The following DGKG variants were observed in gnomAD, a reference collection of about 807,000 sequenced individuals.
DGKG encodes the protein DAG kinase gamma.
A neutral mutation model predicts 105.3 loss-of-function variants in DGKG; 78 were observed. The ratio of observed to expected loss-of-function variants is 0.74; its 90% confidence interval spans 0.62 to 0.89. DGKG has a LOEUF of 0.89. Ranked by LOEUF, DGKG falls within the 40% of genes least tolerant of loss-of-function variation. The pLI is 0.00. For missense variants in DGKG, 958 were observed against 1,020.1 expected (o/e 0.94, Z 0.83); for synonymous variants, 346 against 367.1 (o/e 0.94, Z 0.66).
chr3:186,189,781 C>T (rs995766708), intron 21 of DGKG, among the ~76,000 whole-genome samples: 4 of 152,110 alleles, frequency 2.6e-5, no homozygotes, highest in Non-Finnish European at 4.4e-5. Flanking sequence ...CTGGTAACTG[C>T]GAACTCATTT....
chr3:186,208,015 C>T (rs1252777969), intron 21 of DGKG, among the ~76,000 whole-genome samples: 2 of 152,112 alleles, frequency 1.3e-5, no homozygotes, highest in African/African-American at 4.8e-5. Context: ...GCCTGTATAT[C>T]GCCTGAATGG....
intron 2 of DGKG, among the ~76,000 whole-genome samples, chr3:186,318,236 G>A (rs914150538): frequency 5.3e-5 from 8 of 151,996 alleles, no homozygotes; most frequent in Admixed American, 1.3e-4. Context: ...CTATCCCCAC[G>A]CCTCCTATGT....
chr3:186,188,428 C>G, intron 21 of DGKG, 49 bp from the exon 22 acceptor site: 1 of 1,592,676 alleles, frequency 6.3e-7, no homozygotes, highest in Non-Finnish European at 8.6e-7. Flanking sequence ...CAGTGTGTCA[C>G]AACCCAAGGT....
chr3:186,265,732 G>A lies in DGKG; in HGVS notation c.1210-426C>T, dbSNP rs545154576. ...GGCTGGAGTGCAGTGGTGTGATCTC[G>A]GCTCACTGCAAGCTCCGCCTCCTGG... On this transcript the variant is annotated intron_variant, in intron 13 of 24. Transcript: ENST00000265022. Among the ~76,000 whole-genome samples the A allele has an allele frequency of 3.0e-3, 409 of 137,460 alleles. 1 individual carries two copies. Among genetic ancestry groups the A allele is most frequent in the African/African-American group, 9.5e-3 (352 of 36,974 alleles). 90.2% of individuals were successfully genotyped at this position (137,460 alleles called of 152,430 possible). A position where few individuals can be genotyped will look rare whatever the true frequency, so the allele number is the denominator to read the frequency against.
chr3:186,151,789 G>A (rs904794204), intron 24 of DGKG, among the ~76,000 whole-genome samples: 1 of 152,220 alleles, frequency 6.6e-6, no homozygotes. Context: ...ACTACTGTAA[G>A]CCAGGTTTAC....
intron 6 of DGKG, among the ~76,000 whole-genome samples, chr3:186,287,353 C>G (rs1047116109): frequency 8.5e-5 from 13 of 152,158 alleles, no homozygotes; most frequent in Admixed American, 3.9e-4. Flanking sequence ...GAATTTGCTT[C>G]AAGATACTCT....
intron 22 of DGKG, among the ~76,000 whole-genome samples, chr3:186,182,322 A>G (rs1199780964): frequency 6.6e-6 from 1 of 152,214 alleles, no homozygotes; most frequent in Non-Finnish European, 1.5e-5. Flanking sequence ...ACCTAACAAT[A>G]ATTCTGATTA....
chr3:186,216,567 T>C (rs1260640318), intron 20 of DGKG, among the ~76,000 whole-genome samples: 3 of 152,170 alleles, frequency 2.0e-5, no homozygotes, highest in African/African-American at 7.2e-5. Context: ...AATAAGGACA[T>C]TCACAGATGG....
At chr3:186,276,002 T>C (rs548743621) in intron 9 of DGKG, among the ~76,000 whole-genome samples, 133 of 151,958 alleles carry the variant, frequency 8.8e-4, no homozygotes, top group Non-Finnish European at 1.3e-3. Flanking sequence ...CTATTATCTA[T>C]CATCTATCTA....
intron 5 of DGKG, among the ~76,000 whole-genome samples, chr3:186,293,887 C>T (rs1332615039): frequency 6.6e-6 from 1 of 151,982 alleles, no homozygotes; most frequent in Non-Finnish European, 1.5e-5. Flanking sequence ...TGAACAGGGA[C>T]ATCTAATTAA....
At chr3:186,330,280 G>T (rs547085337) in intron 1 of DGKG, among the ~76,000 whole-genome samples, 3 of 152,294 alleles carry the variant, frequency 2.0e-5, no homozygotes, top group African/African-American at 7.2e-5. Context: ...TTATAATCAA[G>T]TTACTTTATT....
At chr3:186,296,226 T>C (rs983971221) in intron 5 of DGKG, among the ~76,000 whole-genome samples, 7 of 152,206 alleles carry the variant, frequency 4.6e-5, no homozygotes, top group African/African-American at 1.7e-4. Flanking sequence ...AGCGTTAACA[T>C]ATCTAACTCA....
At chr3:186,352,297 C>T (rs1726671790) in intron 1 of DGKG, among the ~76,000 whole-genome samples, 2 of 152,170 alleles carry the variant, frequency 1.3e-5, no homozygotes, top group African/African-American at 4.8e-5. Flanking sequence ...CAAGCCCAGA[C>T]TCTCAATGCT....
intron 24 of DGKG, among the ~76,000 whole-genome samples, chr3:186,154,435 G>A (rs1715925731): frequency 6.6e-6 from 1 of 152,090 alleles, no homozygotes; most frequent in African/African-American, 2.4e-5. Flanking sequence ...CCTGAGGTCA[G>A]GAGTTTGAGA....
chr3:186,203,084 G>C lies in DGKG; in HGVS notation c.1917+8711C>G, dbSNP rs1718553585. 1.3e-5 allele frequency among the ~76,000 whole-genome samples: 2 copies of C among 152,136 alleles called. No individual in the cohort carries two copies. The highest frequency in any genetic ancestry group is 2.9e-5 in the Non-Finnish European group (2 of 68,002). On this transcript the variant is annotated intron_variant, in intron 21 of 24. Transcript: ENST00000265022. This position sits in a 1 kb window ranked among gnomAD's most constrained non-coding sequence, Gnocchi z 4.9. The stretch of plus-strand genomic sequence containing the variant: ...GAGGGTCATTTAAGAAAAAGAAAAA[G>C]TTTTATGTGCCAGAAACTGCAAGCA...
At position 186,149,273 on chromosome 3, in the gene DGKG, C is replaced by G; in HGVS notation, c.*817G>C. On this transcript the variant is annotated 3_prime_UTR_variant, in exon 25 of 25. Transcript: ENST00000265022. The stretch of plus-strand genomic sequence containing the variant: ...CTTCCCTTTTTACACAATATTATGA[C>G]ACCAATTTGAAAAATAAATCCCAGT... 1.0e-6 allele frequency: 1 copy of G among 984,690 alleles called. No homozygotes were observed. Among genetic ancestry groups the G allele is most frequent in the Non-Finnish European group, 1.2e-6 (1 of 829,764 alleles). The allele number at this position is 984,690 out of a possible 1,614,324, so 61.0% of individuals were successfully genotyped here.
At chr3:186,273,811 C>A (rs1722446270) in intron 10 of DGKG, among the ~76,000 whole-genome samples, 2 of 152,208 alleles carry the variant, frequency 1.3e-5, no homozygotes, top group Admixed American at 1.3e-4. Flanking sequence ...CAGCCTGGAG[C>A]ACAGCCAGCG....
chr3:186,240,570 G>A (rs1212275954), intron 20 of DGKG, among the ~76,000 whole-genome samples: 1 of 152,182 alleles, frequency 6.6e-6, no homozygotes, highest in East Asian at 1.9e-4. Context: ...AGCACTTTGG[G>A]AGCCTGAGGT....
Position 186,268,792 on chromosome 3 carries a change from C to T in DGKG, c.1116+9G>A, listed in dbSNP as rs1201745328. 1 of 1,603,750 alleles carries T rather than the reference C, an allele frequency of 6.2e-7. No homozygotes were observed. The highest frequency in any genetic ancestry group is 8.5e-7 in the Non-Finnish European group (1 of 1,171,804). On this transcript the variant is annotated intron_variant, in intron 12 of 24. Coordinates refer to ENST00000265022, the MANE Select transcript of DGKG (RefSeq NM_001346.3). ...AAAAGAAGCAGGGCCGCCCTGGGCG[C>T]CAACCCACCGTCATCCGGCACCACA...
Sources: allele counts gnomAD v4.1 joint callset (sites outside exome capture counted in the v4.1 genomes callset), GRCh38; gene constraint gnomAD v4.1.1; non-coding constraint Gnocchi (gnomAD v3.1); transcripts MANE v1.5; gene names NCBI Gene and HGNC (gene_info 2026-07-23, HGNC 2026-07-21).